MAGT1: variants seen among roughly 807,000 people sequenced by gnomAD.
MAGT1 encodes the protein magnesium transporter 1.
In MAGT1, 4 loss-of-function variants were observed where a neutral mutation model predicts 28.4. That is an observed-to-expected ratio of 0.14 (90% CI 0.07 to 0.32). The LOEUF (loss-of-function observed/expected upper bound fraction) is 0.32. Ranked by LOEUF, MAGT1 falls within the 10% of genes least tolerant of loss-of-function variation. MAGT1 has a pLI of 1.00. For missense variants in MAGT1, 193 were observed against 264.5 expected, an observed-to-expected ratio of 0.73 and a Z score of 1.88; for synonymous variants, 89 against 89.7, an observed-to-expected ratio of 0.99 and a Z score of 0.04.
intron 1 of MAGT1, among the ~76,000 whole-genome samples, chrX:77,887,344 ACTTTGGC>A (rs1337085280): frequency 9.0e-6 from 1 of 111,522 alleles, no homozygotes; most frequent in African/African-American, 3.3e-5. Context: ...CAATCCTTCC[ACTTTGGC>A]CTTCCCAAAG....
At chrX:77,892,105 G>C (rs992524193) in intron 1 of MAGT1, among the ~76,000 whole-genome samples, 4 of 110,761 alleles carry the variant, frequency 3.6e-5, no homozygotes, top group Non-Finnish European at 7.6e-5. Flanking sequence ...AAGTTGGCCA[G>C]CCTGGTCTTG....
chrX:77,894,324 CTTAT>C (rs1311432368), intron 1 of MAGT1, among the ~76,000 whole-genome samples: 2 of 112,037 alleles, frequency 1.8e-5, no homozygotes, highest in African/African-American at 6.5e-5. Context: ...AGTTTTTCTT[CTTAT>C]GGAATAGTTC....
chrX:77,880,773 C>T lies in MAGT1; in HGVS notation c.103-5176G>A, dbSNP rs781890857. The stretch of plus-strand genomic sequence containing the variant: ...AGGACTTCGAGACCAGCCTGGCTAA[C>T]ATGGCAAAACCTCATCTCTACTAAA... On this transcript the variant is annotated intron_variant, in intron 1 of 9. Coordinates refer to ENST00000618282, the MANE Select transcript of MAGT1 (RefSeq NM_001367916.1). 2.8e-5 allele frequency among the ~76,000 whole-genome samples: 3 copies of T among 108,633 alleles called. No homozygotes were observed. The East Asian group carries it at 8.7e-4, about 31-fold the overall frequency. The allele number at this position is 108,633 out of a possible 115,157, so 94.3% of individuals were successfully genotyped here.
At chrX:77,894,706 G>A (rs1049989736) in intron 1 of MAGT1, among the ~76,000 whole-genome samples, 1 of 111,864 alleles carries the variant, frequency 8.9e-6, no homozygotes, top group Admixed American at 9.5e-5. Flanking sequence ...TAAAGCCTAT[G>A]AGTTCCACAA....
intron 3 of MAGT1, among the ~76,000 whole-genome samples, chrX:77,864,813 G>A (rs1557216745): frequency 9.0e-6 from 1 of 110,866 alleles, no homozygotes; most frequent in Non-Finnish European, 1.9e-5. Context: ...CTGGGTTCAA[G>A]CGATTCTCCT....
chrX:77,893,092 C>T (rs782057332), intron 1 of MAGT1, among the ~76,000 whole-genome samples: 4 of 111,626 alleles, frequency 3.6e-5, no homozygotes, highest in African/African-American at 1.3e-4. Flanking sequence ...GTAGAGGCTG[C>T]AGTGAGTCAT....
At chrX:77,835,373 A>G (rs1557213823) in intron 8 of MAGT1, among the ~76,000 whole-genome samples, 1 of 111,970 alleles carries the variant, frequency 8.9e-6, no homozygotes, top group Non-Finnish European at 1.9e-5. Flanking sequence ...TTGCAATGAG[A>G]TATCTATCAT....
intron 1 of MAGT1, among the ~76,000 whole-genome samples, chrX:77,886,108 C>A (rs1557218990): frequency 8.9e-6 from 1 of 111,807 alleles, no homozygotes; most frequent in Non-Finnish European, 1.9e-5. Context: ...CAGGCTCAAA[C>A]CACTATGCCT....
At chrX:77,848,782 G>A (rs1405774675) in intron 7 of MAGT1, among the ~76,000 whole-genome samples, 1 of 110,851 alleles carries the variant, frequency 9.0e-6, no homozygotes, top group Non-Finnish European at 1.9e-5. Context: ...GGAGGCCAAG[G>A]TACGAGGATT....
chrX:77,844,912 T>C (rs1462435776), intron 7 of MAGT1, among the ~76,000 whole-genome samples: 1 of 111,852 alleles, frequency 8.9e-6, no homozygotes, highest in African/African-American at 3.3e-5. Flanking sequence ...GCAAAGAATG[T>C]ATATTCTGTT....
chrX:77,869,712 CA>C (rs781967181), intron 3 of MAGT1, among the ~76,000 whole-genome samples: 85 of 84,966 alleles, frequency 1.0e-3, no homozygotes, highest in African/African-American at 1.1e-3. Context: ...ATAATTAAAG[CA>C]AAAAAAAAAA....
At chrX:77,855,182 G>A (rs1046801108) in intron 6 of MAGT1, among the ~76,000 whole-genome samples, 6 of 111,042 alleles carry the variant, frequency 5.4e-5, no homozygotes, top group Non-Finnish European at 1.1e-4. Flanking sequence ...GCGTGGTGGC[G>A]CATGCCTGTA....
chrX:77,864,477 T>C (rs991925560), intron 3 of MAGT1, among the ~76,000 whole-genome samples: 36 of 111,362 alleles, frequency 3.2e-4, no homozygotes, highest in Non-Finnish European at 6.4e-4. Context: ...AGGTGATGGA[T>C]ACTCCAACTA....
intron 1 of MAGT1, among the ~76,000 whole-genome samples, chrX:77,881,113 G>A (rs2077051046): frequency 1.8e-5 from 2 of 110,738 alleles, no homozygotes; most frequent in South Asian, 7.5e-4. Flanking sequence ...AGACTGCACA[G>A]ATCAAATTTA....
chrX:77,832,694 G>T (rs893567748), intron 8 of MAGT1, among the ~76,000 whole-genome samples: 1 of 108,792 alleles, frequency 9.2e-6, no homozygotes, highest in Non-Finnish European at 1.9e-5. Flanking sequence ...TTAGCCAGGC[G>T]TGGCGGCAGG....
intron 1 of MAGT1, among the ~76,000 whole-genome samples, chrX:77,890,859 G>T (rs782036237): frequency 2.7e-5 from 3 of 111,228 alleles, no homozygotes; most frequent in Non-Finnish European, 5.6e-5. Context: ...ATTGGGGGTG[G>T]ATTAAAGCAT....
chrX:77,826,092 T>C lies in MAGT1; in HGVS notation c.*3128A>G, dbSNP rs1188032449. ...CTGTCTGGGACGAAAGGTAGATCAA[T>C]TGTTGCAAACAGTCATTTATCTACT... is the stretch of plus-strand genomic sequence containing the variant. On this transcript the variant is annotated 3_prime_UTR_variant, in exon 10 of 10. Transcript: ENST00000618282. Among the ~76,000 whole-genome samples the C allele has an allele frequency of 2.7e-5, 3 of 112,279 alleles. No homozygotes were observed. The highest frequency in any genetic ancestry group is 6.5e-5 in the African/African-American group (2 of 30,938).
chrX:77,845,939 C>T (rs782792343), intron 7 of MAGT1, among the ~76,000 whole-genome samples: 7 of 111,046 alleles, frequency 6.3e-5, no homozygotes, highest in African/African-American at 2.3e-4. Flanking sequence ...CGAGGAATAT[C>T]TTTGTGGCGT....
intron 7 of MAGT1, among the ~76,000 whole-genome samples, chrX:77,850,312 C>T (rs2076963707): frequency 1.8e-5 from 2 of 109,533 alleles, no homozygotes; most frequent in African/African-American, 6.6e-5. Context: ...CCTGTCTCTA[C>T]TAAAAATAAA....
Sources: allele counts gnomAD v4.1 joint callset (sites outside exome capture counted in the v4.1 genomes callset), GRCh38; gene constraint gnomAD v4.1.1; transcripts MANE v1.5; gene names NCBI Gene and HGNC (gene_info 2026-07-23, HGNC 2026-07-21).